The following GZF1 variants were observed in gnomAD, a reference collection of about 807,000 sequenced individuals.
The protein encoded by GZF1 is GDNF-inducible zinc finger protein 1.
Under a neutral mutation model 49.4 loss-of-function variants are expected in GZF1, and 28 were observed. The ratio of observed to expected loss-of-function variants is 0.57; its 90% CI spans 0.42 to 0.78. The LOEUF is 0.78. Among genes scored for constraint, GZF1 ranks in the 30% least tolerant of loss-of-function variants. GZF1 has a pLI of 0.00. For synonymous variants in GZF1, 364 were observed against 356.0 expected (o/e 1.02, Z -0.25); for missense variants, 798 against 916.2 (o/e 0.87, Z 1.67).
rs45547731 is a variant in GZF1, at chr20:23,372,510, C to T, written c.*2069C>T. ...GCAGGCCACAACCGGGCTGGAAGTG[C>T]GGTTGAGCTCTCTGCCACTTTCTTC... On this transcript the variant is annotated 3_prime_UTR_variant, in exon 6 of 6. Coordinates refer to ENST00000338121, the MANE Select transcript of GZF1 (RefSeq NM_022482.5). 6 of 152,258 alleles carry T rather than the reference C, an allele frequency of 3.9e-5. No homozygotes were observed. Among genetic ancestry groups the T allele is most frequent in the African/African-American group, 2.4e-5 (1 of 41,536 alleles). 9.4% of individuals were successfully genotyped at this position (152,258 alleles called of 1,614,324 possible). A position where few individuals can be genotyped will look rare whatever the true frequency, so the allele number is the denominator to read the frequency against.
rs1387032661 is a variant in GZF1 at position 23,364,507 on chromosome 20, G to T, written c.124G>T (p.Val42Phe). 6.2e-7 allele frequency: 1 copy of T among 1,614,228 alleles called. No homozygotes were observed. The highest frequency in any genetic ancestry group is 8.5e-7 in the Non-Finnish European group (1 of 1,180,046). ...DVTVSVEYQGVRKDFMAHKAV... is the reference protein window; with the variant it reads ...DVTVSVEYQGFRKDFMAHKAV... ...GACAGTCAGCGTGGAGTATCAGGGTGTCCGCAAAGACTTCATGGCCCACAA... is the reference window on the plus strand; with the variant it reads ...GACAGTCAGCGTGGAGTATCAGGGTTTCCGCAAAGACTTCATGGCCCACAA... The change falls in exon 2 of 6, where the codon GTC (valine) becomes TTC (phenylalanine). Residue 42 changes from valine to phenylalanine, a missense_variant. Physicochemically the swap from Val to Phe is conservative, Grantham distance 50 (BLOSUM62 -1). Coordinates refer to ENST00000338121, the MANE Select transcript of GZF1 (RefSeq NM_022482.5).
At chr20:23,361,867 A>T (rs897284550), upstream of GZF1, among the ~76,000 whole-genome samples, 1 of 152,152 alleles carries the variant, frequency 6.6e-6, no homozygotes, top group African/African-American at 2.4e-5. Context: ...CGCGAATCTG[A>T]CGCTCACGTG....
At position 23,364,470 on chromosome 20, in the gene GZF1, C is replaced by G; in HGVS notation, c.87C>G (p.His29Gln). ...HEMHELRLLG[H>Q]LCDVTVSVEY... ...TGCATGAGCTTCGCCTCCTGGGTCACCTGTGTGACGTGACAGTCAGCGTGG... is the reference window on the plus strand; with the variant it reads ...TGCATGAGCTTCGCCTCCTGGGTCAGCTGTGTGACGTGACAGTCAGCGTGG... The change falls in exon 2 of 6, where the codon CAC becomes CAG. Residue 29 changes from histidine (H) to glutamine (Q), a missense_variant. Physicochemically the swap from His to Gln is conservative, Grantham distance 24. Around this residue, in one of 3 missense-constraint regions of GZF1, gnomAD observed 105 missense variants for 147.5 expected, o/e 0.71. Coordinates refer to ENST00000338121, the MANE Select transcript of GZF1 (RefSeq NM_022482.5). 1.2e-6 allele frequency: 2 copies of G among 1,614,250 alleles called. No individual in the cohort carries two copies. Among genetic ancestry groups the G allele is most frequent in the Non-Finnish European group, 1.7e-6 (2 of 1,180,036 alleles).
In GZF1 at chr20:23,365,499, C is replaced by T. The variant is rs1981225716; in HGVS notation, c.1116C>T (p.Ser372=). ...AGAGCCACCAGCGCCACGTGCACAG[C>T]AGCGAGCGCCATTTCCCATGCGAGC... is the stretch of plus-strand genomic sequence containing the variant. ...NLKSHQRHVH[S]SERHFPCELC... is the part of the protein sequence containing the mutation. Residue 372 remains serine, a synonymous_variant, in exon 2 of 6, where the codon AGC becomes AGT. Transcript: ENST00000338121. The T allele has an allele frequency of 1.2e-6, 2 of 1,613,848 alleles. No homozygotes were observed. Among genetic ancestry groups the T allele is most frequent in the Non-Finnish European group, 1.7e-6 (2 of 1,179,970 alleles).
Position 23,368,925 on chromosome 20 carries a change from C to G in GZF1, c.1623C>G (p.His541Gln). 1 of 1,610,634 alleles carries G rather than the reference C, an allele frequency of 6.2e-7. No homozygotes were observed. ...CACTGTACCAGCATATTAAAGTCCA[C>G]ACAGGTATGGTTGGAATGTCCCAGG... ...RNSLYQHIKV[H>Q]TGERPYCCDQ... is the part of the protein sequence containing the mutation. Residue 541 changes from histidine (H) to glutamine (Q), a missense_variant, in exon 4 of 6, where the codon CAC (histidine) becomes CAG (glutamine). By Grantham distance (24) the His-to-Gln change is conservative. Transcript: ENST00000338121.
Position 23,371,489 on chromosome 20 carries a change from C to G in GZF1, c.*1048C>G, listed in dbSNP as rs907991845. On this transcript the variant is annotated 3_prime_UTR_variant, in exon 6 of 6. Coordinates refer to ENST00000338121, the MANE Select transcript of GZF1 (RefSeq NM_022482.5). ...TAGCAGTAGGGACCAAAAGTCTCAG[C>G]ACACTTACCTCCGATTATGCCTTAA... 1 of 152,620 alleles carries G rather than the reference C, an allele frequency of 6.6e-6. No individual in the cohort carries two copies. Among genetic ancestry groups the G allele is most frequent in the Non-Finnish European group, 1.5e-5 (1 of 68,040 alleles). The allele number at this position is 152,620 out of a possible 1,614,324, so 9.5% of individuals were successfully genotyped here.
Position 23,364,939 on chromosome 20 carries a change from G to A in GZF1, c.556G>A (p.Glu186Lys), listed in dbSNP as rs374194682. 6.2e-7 allele frequency: 1 copy of A among 1,614,238 alleles called. No individual in the cohort carries two copies. Among genetic ancestry groups the A allele is most frequent in the South Asian group, 1.1e-5 (1 of 91,080 alleles). ...GLTDSLDYPG[E>K]RASNGMSSDL... is the part of the protein sequence containing the mutation. ...CACGGATTCCTTGGACTACCCAGGA[G>A]AGAGAGCCAGCAATGGCATGTCTTC... The change falls in exon 2 of 6, where the codon GAG becomes AAG. Residue 186 changes from glutamate (E) to lysine (K), a missense_variant. Glu to Lys is a moderately conservative substitution (Grantham distance 56). Around this residue, in one of 3 missense-constraint regions of GZF1, gnomAD observed 247 missense variants for 228.5 expected, o/e 1.08. Transcript: ENST00000338121.
At position 23,364,759 on chromosome 20, in the gene GZF1, T is replaced by A. The variant is rs1328389936; in HGVS notation, c.376T>A (p.Phe126Ile). 1 of 1,614,266 alleles carries A rather than the reference T, an allele frequency of 6.2e-7. No individual in the cohort carries two copies. ...ATGTTTGGATTTATCAGAAACTTGT[T>A]TTCAATTAAAGAAACAGATGTTAGA... ...LKCLDLSETC[F>I]QLKKQMLESV... is the part of the protein sequence containing the mutation. The change falls in exon 2 of 6, where the codon TTT (phenylalanine) becomes ATT (isoleucine). Residue 126 changes from phenylalanine to isoleucine, a missense_variant. Coordinates refer to ENST00000338121, the MANE Select transcript of GZF1 (RefSeq NM_022482.5).
At chr20:23,362,586 G>T (rs1207078022) in intron 1 of GZF1, 1 of 152,382 alleles carries the variant, frequency 6.6e-6, no homozygotes, top group African/African-American at 2.4e-5. Flanking sequence ...GGAAACCCCG[G>T]CCCTTGTGGC....
chr20:23,364,813 T>A lies in GZF1; in HGVS notation c.430T>A (p.Ser144Thr). Residue 144 changes from serine to threonine, a missense_variant, in exon 2 of 6, where the codon TCA becomes ACA. Coordinates refer to ENST00000338121, the MANE Select transcript of GZF1 (RefSeq NM_022482.5). ...ESVLLELQNF[S>T]ESQEVEVSSG... ...AGTACTTTTGGAGTTGCAAAATTTCTCAGAGTCTCAGGAGGTGGAGGTGAG... is the reference window on the plus strand; with the variant it reads ...AGTACTTTTGGAGTTGCAAAATTTCACAGAGTCTCAGGAGGTGGAGGTGAG... 1 of 1,614,254 alleles carries A rather than the reference T, an allele frequency of 6.2e-7. No homozygotes were observed.
chr20:23,366,375 A>G (rs1159392038), intron 2 of GZF1, among the ~76,000 whole-genome samples: 2 of 152,208 alleles, frequency 1.3e-5, no homozygotes, highest in Non-Finnish European at 2.9e-5. Context: ...CCTCAAACCT[A>G]GGTCAGTCTT....
chr20:23,365,258 CAAAG>C lies in GZF1; in HGVS notation c.880_883del (p.Lys294GlnfsTer39). 4.4e-6 allele frequency: 7 copies of C among 1,604,502 alleles called. No homozygotes were observed. The highest frequency in any genetic ancestry group is 5.1e-6 in the Non-Finnish European group (6 of 1,175,052). ...GCAGGTGCTGAGTTGGAGGAATTGT[CAAAG>C]AAAGCAGGGCCGGAGGAGGAAGAGG... is the stretch of plus-strand genomic sequence containing the variant. On this transcript the variant is annotated frameshift_variant, in exon 2 of 6. Transcript: ENST00000338121. LOFTEE classifies it high-confidence loss of function.
In GZF1 at chr20:23,369,563, TCTC is replaced by T; in HGVS notation, c.1628-17_1628-15del. On this transcript the variant is annotated intron_variant, in intron 4 of 5. Transcript: ENST00000338121. ...GTAGGCCAAAGGGACCCACCAGCAG[TCTC>T]CTCTCTCCCTGCCTCAGGGGAGCGT... 1 of 1,590,970 alleles carries T rather than the reference TCTC, an allele frequency of 6.3e-7. No individual in the cohort carries two copies. The highest frequency in any genetic ancestry group is 8.6e-7 in the Non-Finnish European group (1 of 1,167,078).
intron 4 of GZF1, among the ~76,000 whole-genome samples, chr20:23,369,306 T>C (rs1337906212): frequency 1.3e-5 from 2 of 152,220 alleles, no homozygotes; most frequent in African/African-American, 4.8e-5. Flanking sequence ...CTTGTAATTT[T>C]ATACTCCATT....
intron 3 of GZF1, among the ~76,000 whole-genome samples, chr20:23,367,708 T>G (rs1260820493): frequency 6.6e-6 from 1 of 152,224 alleles, no homozygotes; most frequent in Non-Finnish European, 1.5e-5. Flanking sequence ...GTAGTAGGAT[T>G]ATCTCATTTC....
Position 23,371,946 on chromosome 20 carries a change from A to C in GZF1, c.*1505A>C, listed in dbSNP as rs1982118105. Reference sequence around the variant, plus strand: ...TAGTGAAACCACTACAAGGTGTTTCAGGCGCTGATAACATGCTTCACACCT... The same window carrying C: ...TAGTGAAACCACTACAAGGTGTTTCCGGCGCTGATAACATGCTTCACACCT... On this transcript the variant is annotated 3_prime_UTR_variant, in exon 6 of 6. Transcript: ENST00000338121. 1 of 152,624 alleles carries C rather than the reference A, an allele frequency of 6.6e-6. No homozygotes were observed. The highest frequency in any genetic ancestry group is 6.5e-5 in the Admixed American group (1 of 15,292). The allele number at this position is 152,624 out of a possible 1,614,324, so 9.5% of individuals were successfully genotyped here. A position where few individuals can be genotyped will look rare whatever the true frequency, so the allele number is the denominator to read the frequency against.
Position 23,370,225 on chromosome 20 carries a change from T to G in GZF1, c.1920T>G (p.Ser640=). 6.2e-7 allele frequency: 1 copy of G among 1,614,218 alleles called. No homozygotes were observed. Among genetic ancestry groups the G allele is most frequent in the East Asian group, 2.2e-5 (1 of 44,880 alleles). The change falls in exon 6 of 6, where the codon TCT becomes TCG. Residue 640 remains serine, a synonymous_variant. Transcript: ENST00000338121. ...VSSKLSDKLL[S]FAENGHFHNL... ...CCAAGCTTTCGGATAAATTGCTGTCTTTTGCAGAAAATGGCCATTTCCACA... is the reference window on the plus strand; with the variant it reads ...CCAAGCTTTCGGATAAATTGCTGTCGTTTGCAGAAAATGGCCATTTCCACA...
rs6076060 is a variant in GZF1 at position 23,364,432 on chromosome 20, C to T, written c.49C>T (p.Leu17=). 52,331 of 1,611,752 alleles carry T rather than the reference C, an allele frequency of 0.032. 2,878 individuals carry two copies. The highest frequency in any genetic ancestry group is 0.23 in the African/African-American group (16,857 of 74,894). The part of the protein sequence containing the change: ...LLESKSSPFN[L]LHEMHELRLL... ...GGAATCCAAATCCTCCCCATTTAAC[C>T]TACTGCATGAGATGCATGAGCTTCG... Residue 17 remains leucine (L), a synonymous_variant, in exon 2 of 6, where the codon CTA becomes TTA. Transcript: ENST00000338121.
chr20:23,364,345 CTTG>C lies in GZF1; in HGVS notation c.-21-15_-21-13del. ...CATCAGTGGTTGCTCATGCATAATT[CTTG>C]TTTCTTTTTCAAAGCTGTTTTTGGA... On this transcript the variant is annotated splice_polypyrimidine_tract_variant and intron_variant, in intron 1 of 5. Coordinates refer to ENST00000338121, the MANE Select transcript of GZF1 (RefSeq NM_022482.5). The C allele has an allele frequency of 6.9e-7, 1 of 1,458,782 alleles. No individual in the cohort carries two copies. Among genetic ancestry groups the C allele is most frequent in the Non-Finnish European group, 9.3e-7 (1 of 1,079,216 alleles). 90.4% of individuals were successfully genotyped at this position (1,458,782 alleles called of 1,614,324 possible).
Sources: gnomAD v4.1 joint callset for allele counts (sites outside exome capture counted in the v4.1 genomes callset) on GRCh38, gnomAD v4.1.1 for gene constraint, gnomAD v4.1.1 regional missense constraint, MANE v1.5 for transcripts, NCBI Gene and HGNC (gene_info 2026-07-23, HGNC 2026-07-21) for gene names.